SLCO4A1: variants seen among roughly 807,000 people sequenced by gnomAD.
SLCO4A1 encodes the protein solute carrier organic anion transporter family member 4A1.
In SLCO4A1, 51 loss-of-function variants were observed where a neutral mutation model predicts 64.6. That is an observed-to-expected ratio of 0.79 (90% confidence interval 0.63 to 1.00). The LOEUF (loss-of-function observed/expected upper bound fraction) is 1.00, where lower values mean the gene tolerates loss of function less well. Among genes scored for constraint, SLCO4A1 ranks in the 50% least tolerant of loss-of-function variants. The pLI is 0.00. For synonymous variants in SLCO4A1, 471 were observed against 444.9 expected (o/e 1.06, Z -0.74); for missense variants, 919 against 980.5 (o/e 0.94, Z 0.84).
chr20:62,655,799 C>T (rs908829444), intron 1 of SLCO4A1, among the ~76,000 whole-genome samples: 2 of 152,176 alleles, frequency 1.3e-5, no homozygotes, highest in African/African-American at 4.8e-5. Flanking sequence ...AAACTCTGCA[C>T]GGAGAGGAGC....
chr20:62,680,074 G>A (rs1351043071), intron 2 of SLCO4A1, among the ~76,000 whole-genome samples: 2 of 152,172 alleles, frequency 1.3e-5, no homozygotes, highest in African/African-American at 4.8e-5. Context: ...GGGCTGATGG[G>A]GTGAACCCAA....
intron 1 of SLCO4A1, chr20:62,651,633 C>T (rs1410715128): frequency 6.6e-6 from 1 of 152,254 alleles, no homozygotes; most frequent in Non-Finnish European, 1.5e-5. Flanking sequence ...TCAGGTAAAA[C>T]AGCCTTCAGC....
chr20:62,652,003 C>G (rs947258124), intron 1 of SLCO4A1: 1 of 151,690 alleles, frequency 6.6e-6, no homozygotes, highest in Admixed American at 6.6e-5. Flanking sequence ...GCTGCCGAAT[C>G]CGACCCACTC....
chr20:62,667,925 T>A lies in SLCO4A1; in HGVS notation c.1638+15T>A. The A allele has an allele frequency of 6.2e-7, 1 of 1,613,994 alleles. No homozygotes were observed. Among genetic ancestry groups the A allele is most frequent in the Non-Finnish European group, 8.5e-7 (1 of 1,180,022 alleles). ...ACGGCCAGAAGGTGAGTGGAGCCGC[T>A]GCCTACCGCCCCTGTCCTCCCCTGG... On this transcript the variant is annotated intron_variant, in intron 8 of 11. Coordinates refer to ENST00000217159, the MANE Select transcript of SLCO4A1 (RefSeq NM_016354.4).
rs544347559 is a variant in SLCO4A1, at chr20:62,680,287, C to T, written n.212-5154C>T. On this transcript the variant is annotated intron_variant and non_coding_transcript_variant, in intron 2 of 2. Coordinates refer to the SLCO4A1 transcript ENST00000466818. ...GCCATGGGATTTCTACATAAACAGC[C>T]ATGTCATCTGTGAAGAGGGAGAGTT... is the stretch of plus-strand genomic sequence containing the variant. Among the ~76,000 whole-genome samples, 3 of 152,320 alleles carry T rather than the reference C, an allele frequency of 2.0e-5. No homozygotes were observed. In the East Asian group the frequency reaches 5.8e-4, roughly 29 times the overall value.
chr20:62,686,203 G>C (rs542304594), downstream of SLCO4A1, among the ~76,000 whole-genome samples: 6 of 152,308 alleles, frequency 3.9e-5, no homozygotes, highest in South Asian at 1.2e-3. Flanking sequence ...CCCCAGTGCG[G>C]AGCTCCTGGT....
chr20:62,668,462 G>GGTTTT lies in SLCO4A1; in HGVS notation c.1812-14_1812-10dup. 1 of 1,613,638 alleles carries GGTTTT rather than the reference G, an allele frequency of 6.2e-7. No individual in the cohort carries two copies. The highest frequency in any genetic ancestry group is 2.2e-5 in the East Asian group (1 of 44,862). On this transcript the variant is annotated splice_polypyrimidine_tract_variant and intron_variant, in intron 9 of 11. Transcript: ENST00000217159. ...CCACTTCTGTGGGTGCTGACGCTGT[G>GGTTTT]GTTTTCTATTGCAGATGTGTCCGTG...
Position 62,661,258 on chromosome 20 carries a change from C to T in SLCO4A1, c.1121+83C>T, listed in dbSNP as rs535033178. Reference sequence around the variant, plus strand: ...CTTGGGGGAGTCGTTGAGACCCCTCCGGGATCATGATGGGGACGCAGCCCC... The same window carrying T: ...CTTGGGGGAGTCGTTGAGACCCCTCTGGGATCATGATGGGGACGCAGCCCC... On this transcript the variant is annotated intron_variant, in intron 5 of 11. Coordinates refer to ENST00000217159, the MANE Select transcript of SLCO4A1 (RefSeq NM_016354.4). The surrounding 1 kb of genome is among the most constrained non-coding windows in gnomAD (Gnocchi z 5.2). 5.3e-4 allele frequency: 518 copies of T among 969,334 alleles called. 11 individuals are homozygous for T. The South Asian group carries it at 6.4e-3, about 12-fold the overall frequency. 60.0% of individuals were successfully genotyped at this position (969,334 alleles called of 1,614,324 possible).
Position 62,644,816 on chromosome 20 carries a change from C to T in SLCO4A1, c.-97+2263C>T, listed in dbSNP as rs1267351188. On this transcript the variant is annotated intron_variant, in intron 1 of 11. Transcript: ENST00000217159. This position sits in a 1 kb window ranked among gnomAD's most constrained non-coding sequence, Gnocchi z 5.4. Reference sequence around the variant, plus strand: ...GAACGTGTTGGGTCCTGGTGCTCTCCCCAGCAGATGGTTGTAGGTGGTCAG... The same window carrying T: ...GAACGTGTTGGGTCCTGGTGCTCTCTCCAGCAGATGGTTGTAGGTGGTCAG... 1.3e-5 allele frequency among the ~76,000 whole-genome samples: 2 copies of T among 152,210 alleles called. No homozygotes were observed. The highest frequency in any genetic ancestry group is 4.8e-5 in the African/African-American group (2 of 41,440).
At chr20:62,670,864 G>A (rs1476518426) in intron 11 of SLCO4A1, among the ~76,000 whole-genome samples, 2 of 152,232 alleles carry the variant, frequency 1.3e-5, no homozygotes, top group Non-Finnish European at 2.9e-5. Context: ...AGTCAAAACA[G>A]CCTCACTCCC....
chr20:62,671,891 T>G lies in SLCO4A1; in HGVS notation c.2167T>G (p.Ter723GlyextTer16). Residue 723 changes from the stop codon to glycine, a stop_lost, in exon 12 of 12, where the codon TGA (stop) becomes GGA (glycine). Transcript: ENST00000217159. ...ATDSQLQSSV[*>G] is the part of the protein sequence containing the mutation. ...AGATAGCCAGCTCCAGAGCAGCGTC[T>G]GACCACCGCCCGCGCCCACCCGGCC... 1 of 1,610,878 alleles carries G rather than the reference T, an allele frequency of 6.2e-7. No individual in the cohort carries two copies. Among genetic ancestry groups the G allele is most frequent in the South Asian group, 1.1e-5 (1 of 91,090 alleles).
At chr20:62,682,672 CACACAG>C (rs1013759812) in intron 2 of SLCO4A1, among the ~76,000 whole-genome samples, 1 of 151,208 alleles carries the variant, frequency 6.6e-6, no homozygotes, top group African/African-American at 2.4e-5. Context: ...CACACACACA[CACACAG>C]TTGTCATGCA....
At chr20:62,664,020 G>C (rs1189248425) in intron 5 of SLCO4A1, among the ~76,000 whole-genome samples, 1 of 151,912 alleles carries the variant, frequency 6.6e-6, no homozygotes, top group Non-Finnish European at 1.5e-5. Flanking sequence ...TGCAGGGACA[G>C]GCAGCCCCGA....
chr20:62,668,372 G>A (rs1039261541), intron 9 of SLCO4A1, 105 bp from the exon 10 acceptor site: 15 of 1,317,342 alleles, frequency 1.1e-5, no homozygotes, highest in South Asian at 1.2e-5. Flanking sequence ...TTGGGGGGGG[G>A]TGATGATGTG....
rs571105045 is a variant in SLCO4A1, at chr20:62,661,848, G to A, written c.1121+673G>A. On this transcript the variant is annotated intron_variant, in intron 5 of 11. Coordinates refer to ENST00000217159, the MANE Select transcript of SLCO4A1 (RefSeq NM_016354.4). The surrounding 1 kb of genome is among the most constrained non-coding windows in gnomAD (Gnocchi z 5.2). ...TAGGGTGAACCCGGGGCCCTGAGCCGGTGGGGTCCTAGAGGGACAACAGAG... is the reference window on the plus strand; with the variant it reads ...TAGGGTGAACCCGGGGCCCTGAGCCAGTGGGGTCCTAGAGGGACAACAGAG... 5.3e-5 allele frequency among the ~76,000 whole-genome samples: 8 copies of A among 151,728 alleles called. No individual in the cohort carries two copies. Among genetic ancestry groups the A allele is most frequent in the South Asian group, 2.1e-4 (1 of 4,798 alleles).
At chr20:62,688,983 C>T (rs1454129904), downstream of SLCO4A1, among the ~76,000 whole-genome samples, 2 of 152,242 alleles carry the variant, frequency 1.3e-5, no homozygotes, top group East Asian at 1.9e-4. Context: ...CACAAAAGCT[C>T]GAGCACAGTT....
In SLCO4A1 at chr20:62,684,999, G is replaced by A. The variant is rs963989521; in HGVS notation, n.212-442G>A. Among the ~76,000 whole-genome samples the A allele has an allele frequency of 2.6e-5, 4 of 152,150 alleles. No individual in the cohort carries two copies. In the South Asian group the frequency reaches 8.3e-4, roughly 32 times the overall value. On this transcript the variant is annotated intron_variant and non_coding_transcript_variant, in intron 2 of 2. Transcript: ENST00000466818. ...GCATGCACAGGCAGCCACGCCAGGG[G>A]CTCCTGCAGCACCTCAGAGAGACCA...
intron 1 of SLCO4A1, chr20:62,643,134 C>T: frequency 2.3e-6 from 1 of 426,566 alleles, no homozygotes. Flanking sequence ...GGAGCGCGGG[C>T]GGAGCGCACA....
intron 8 of SLCO4A1, 22 bp downstream of exon 8, chr20:62,667,932 C>A (rs370222557): frequency 4.8e-5 from 77 of 1,613,908 alleles, no homozygotes; most frequent in Non-Finnish European, 6.1e-5. Flanking sequence ...CGCTGCCTAC[C>A]GCCCCTGTCC....
Sources: gnomAD v4.1 joint callset for allele counts (sites outside exome capture counted in the v4.1 genomes callset) on GRCh38, gnomAD v4.1.1 for gene constraint, Gnocchi (gnomAD v3.1) non-coding constraint, MANE v1.5 for transcripts, NCBI Gene and HGNC (gene_info 2026-07-23, HGNC 2026-07-21) for gene names.